Variants in CEP120 observed in about 807,000 individuals in gnomAD.
CEP120 encodes the protein centrosomal protein 120.
In CEP120, 113 loss-of-function variants were observed where a neutral mutation model predicts 126.5. The observed-to-expected ratio is 0.89, with a 90% CI of 0.77 to 1.04. CEP120 has a LOEUF of 1.04. CEP120 is among the 50% of genes least tolerant of loss of function. CEP120 has a pLI of 0.00. For missense variants in CEP120, 1,230 were observed against 1,155.7 expected, an observed-to-expected ratio of 1.06 and a Z score of -0.93; for synonymous variants, 400 against 394.3, an observed-to-expected ratio of 1.01 and a Z score of -0.17.
chr5:123,360,296 C>T (rs190477962), intron 18 of CEP120, among the ~76,000 whole-genome samples: 32 of 152,006 alleles, frequency 2.1e-4, no homozygotes, highest in African/African-American at 7.7e-4. Flanking sequence ...CTAAAACAGT[C>T]AGGGGCAGAG....
At chr5:123,418,265 T>C in intron 2 of CEP120, 94 bp downstream of exon 2, 2 of 1,165,398 alleles carry the variant, frequency 1.7e-6, no homozygotes, top group Non-Finnish European at 2.3e-6. Context: ...AAAATACTTC[T>C]GGTCCCAAGT....
At chr5:123,358,593 C>G (rs1208139010) in intron 18 of CEP120, 1 of 151,984 alleles carries the variant, frequency 6.6e-6, no homozygotes, top group African/African-American at 2.4e-5. Context: ...TTAGATTACT[C>G]TATAAAAGTA....
Position 123,416,078 on chromosome 5 carries a change from C to T in CEP120, c.253G>A (p.Val85Ile), listed in dbSNP as rs1255595388. ...CCTATGGTTTCCTTGGCTGAAGTTA[C>T]AGGATCCAAGGCAAAACATTGGAGT... ...IKLQCFALDPVTSAKETIGYI... is the reference protein window; with the variant it reads ...IKLQCFALDPITSAKETIGYI... The change falls in exon 3 of 20, where the codon GTA becomes ATA. Residue 85 changes from valine to isoleucine, a missense_variant. Transcript: ENST00000306467. The T allele has an allele frequency of 5.0e-6, 8 of 1,613,870 alleles. No homozygotes were observed. The highest frequency in any genetic ancestry group is 1.1e-5 in the South Asian group (1 of 91,070).
At chr5:123,391,698 A>T (rs1194788683) in intron 6 of CEP120, among the ~76,000 whole-genome samples, 1 of 152,126 alleles carries the variant, frequency 6.6e-6, no homozygotes, top group African/African-American at 2.4e-5. Context: ...ATACCTCAAC[A>T]TTTTTCTTTT....
chr5:123,348,185 T>C (rs930725300), intron 19 of CEP120, among the ~76,000 whole-genome samples: 1 of 152,244 alleles, frequency 6.6e-6, no homozygotes, highest in African/African-American at 2.4e-5. Flanking sequence ...TTATAGCTTA[T>C]ACAGAGGACT....
chr5:123,367,406 TTA>T (rs1007736064), intron 17 of CEP120, among the ~76,000 whole-genome samples: 7 of 151,852 alleles, frequency 4.6e-5, no homozygotes, highest in East Asian at 1.9e-4. Context: ...GAAGCTATAT[TTA>T]TATATATATG....
intron 4 of CEP120, chr5:123,401,903 A>C: frequency 6.4e-7 from 1 of 1,558,706 alleles, no homozygotes; most frequent in African/African-American, 1.3e-5. Flanking sequence ...GCTGCCGCCT[A>C]AGGTTGTTGA....
chr5:123,379,268 A>T (rs1190019714), intron 14 of CEP120, among the ~76,000 whole-genome samples: 1 of 152,060 alleles, frequency 6.6e-6, no homozygotes, highest in Non-Finnish European at 1.5e-5. Context: ...TCTTTTCTCC[A>T]TAACCTTTCA....
intron 17 of CEP120, among the ~76,000 whole-genome samples, chr5:123,371,380 C>T (rs1361148526): frequency 6.6e-6 from 1 of 151,984 alleles, no homozygotes; most frequent in Admixed American, 6.6e-5. Flanking sequence ...CTGGTACAGG[C>T]AAACTCCCAT....
At chr5:123,384,036 G>A (rs867356957) in intron 11 of CEP120, among the ~76,000 whole-genome samples, 1 of 152,040 alleles carries the variant, frequency 6.6e-6, no homozygotes, top group Admixed American at 6.6e-5. Flanking sequence ...AGTATCTAAG[G>A]TTCTCACTTA....
At chr5:123,395,013 C>T (rs1772678207) in intron 5 of CEP120, among the ~76,000 whole-genome samples, 1 of 152,136 alleles carries the variant, frequency 6.6e-6, no homozygotes. Context: ...ATGGAAAATA[C>T]CTAGAGAAGA....
At chr5:123,394,669 A>G (rs77756072) in intron 5 of CEP120, among the ~76,000 whole-genome samples, 4,238 of 152,344 alleles carry the variant, frequency 0.028, 195 homozygotes, top group African/African-American at 0.096. Context: ...CTAACCACTT[A>G]GATTACAATA....
chr5:123,363,726 A>G (rs1174493667), intron 18 of CEP120, among the ~76,000 whole-genome samples: 1 of 151,470 alleles, frequency 6.6e-6, no homozygotes, highest in Non-Finnish European at 1.5e-5. Context: ...GATGTTTAAT[A>G]GTATTTGACA....
At chr5:123,375,147 C>A (rs571963053) in intron 16 of CEP120, among the ~76,000 whole-genome samples, 2 of 152,086 alleles carry the variant, frequency 1.3e-5, no homozygotes, top group Non-Finnish European at 2.9e-5. Flanking sequence ...GCAATCTGGG[C>A]ATCTTGGAAA....
At chr5:123,349,339 T>A (rs1031781193) in intron 19 of CEP120, among the ~76,000 whole-genome samples, 3 of 152,074 alleles carry the variant, frequency 2.0e-5, no homozygotes, top group African/African-American at 4.8e-5. Context: ...ACAAAGTAGC[T>A]TTGAAGATTT....
intron 4 of CEP120, among the ~76,000 whole-genome samples, chr5:123,411,147 T>C (rs1199111432): frequency 6.6e-6 from 1 of 152,168 alleles, no homozygotes. Context: ...ATATACCTAG[T>C]AGAATGGCCA....
At chr5:123,409,988 A>AACCAC in intron 4 of CEP120, among the ~76,000 whole-genome samples, 1 of 132,514 alleles carries the variant, frequency 7.5e-6, no homozygotes, top group Non-Finnish European at 1.6e-5. Context: ...AAAAAAAAAA[A>AACCAC]AAACCACACA....
At chr5:123,422,422 A>C in intron 1 of CEP120, 1 of 1,198,490 alleles carries the variant, frequency 8.3e-7, no homozygotes, top group Non-Finnish European at 1.2e-6. Context: ...AGTGTCTGAC[A>C]CTCAATGAGT....
rs1771694242 is a variant in CEP120 at position 123,382,212 on chromosome 5, A to G, written c.2014-12T>C. ...TCTTTCTGCTTCAGCTACAAAAGGA[A>G]GAAAAATAAAGTCGCCAAAAAACCC... is the stretch of plus-strand genomic sequence containing the variant. On this transcript the variant is annotated splice_polypyrimidine_tract_variant and intron_variant, in intron 13 of 19. Coordinates refer to ENST00000306467, the MANE Select transcript of CEP120 (RefSeq NM_001375405.1). 6.3e-7 allele frequency: 1 copy of G among 1,587,744 alleles called. No homozygotes were observed. Among genetic ancestry groups the G allele is most frequent in the African/African-American group, 1.4e-5 (1 of 73,696 alleles).
Sources: gnomAD v4.1 joint callset for allele counts (sites outside exome capture counted in the v4.1 genomes callset) on GRCh38, gnomAD v4.1.1 for gene constraint, MANE v1.5 for transcripts, NCBI Gene and HGNC (gene_info 2026-07-23, HGNC 2026-07-21) for gene names.